The following RNASE10 variants were observed in gnomAD, a reference collection of about 807,000 sequenced individuals.
The protein encoded by RNASE10 is inactive ribonuclease-like protein 10.
In RNASE10, 2 loss-of-function variants were observed where a neutral mutation model predicts 1.1. That is an observed-to-expected ratio of 1.82 (90% confidence interval 0.74 to 5.73). The LOEUF (loss-of-function observed/expected upper bound fraction) is 5.73. Ranked by LOEUF, RNASE10 falls within the 30% of genes most tolerant of loss-of-function variation. RNASE10 has a pLI of 0.05. For missense variants in RNASE10, 276 were observed against 263.4 expected (o/e 1.05, Z -0.33); for synonymous variants, 97 against 96.2 (o/e 1.01, Z -0.05).
At chr14:20,507,358 G>A (rs1882770519) in intron 1 of RNASE10, among the ~76,000 whole-genome samples, 1 of 132,492 alleles carries the variant, frequency 7.5e-6, no homozygotes, top group South Asian at 2.6e-4. Context: ...TCCACTCAGG[G>A]TTAAATGGAT....
intron 1 of RNASE10, among the ~76,000 whole-genome samples, chr14:20,507,338 A>T (rs1450557823): frequency 7.5e-6 from 1 of 133,030 alleles, no homozygotes; most frequent in Non-Finnish European, 1.6e-5. Context: ...TCTCTGAAAC[A>T]TGTGCTGTGT....
chr14:20,511,157 C>A (rs1882891541), downstream of RNASE10: 1 of 1,396,088 alleles, frequency 7.2e-7, no homozygotes, highest in Non-Finnish European at 9.5e-7. Context: ...TCACCTTCTC[C>A]TGTTCCTCTT....
intron 1 of RNASE10, among the ~76,000 whole-genome samples, chr14:20,509,931 G>T (rs970432517): frequency 2.1e-5 from 3 of 143,862 alleles, no homozygotes. Context: ...GACCAGCCTG[G>T]GCAACATAGC....
At chr14:20,505,380 A>G (rs1189339453), upstream of RNASE10, among the ~76,000 whole-genome samples, 1 of 82,162 alleles carries the variant, frequency 1.2e-5, no homozygotes, top group Non-Finnish European at 2.2e-5. Flanking sequence ...GCTGGACGGT[A>G]CTGCTGCCAT....
Position 20,507,491 on chromosome 14 carries a change from T to C in RNASE10, c.79+1472T>C, listed in dbSNP as rs1035201231. 3.4e-4 allele frequency among the ~76,000 whole-genome samples: 46 copies of C among 136,046 alleles called. No homozygotes were observed. The South Asian group carries it at 9.7e-3, about 29-fold the overall frequency. The allele number at this position is 136,046 out of a possible 152,430, so 89.3% of individuals were successfully genotyped here. A position where few individuals can be genotyped will look rare whatever the true frequency, so the allele number is the denominator to read the frequency against. ...ACAAACACTGCGGAAGGCTGCAGGG[T>C]CCTCTGCCTAGGAAAACCAGAGACC... is the stretch of plus-strand genomic sequence containing the variant. On this transcript the variant is annotated intron_variant, in intron 1 of 1. Coordinates refer to ENST00000430083, the Ensembl canonical transcript of RNASE10.
intron 1 of RNASE10, among the ~76,000 whole-genome samples, chr14:20,507,620 AAAT>A (rs369359785): frequency 2.9e-4 from 21 of 72,634 alleles, no homozygotes; most frequent in Non-Finnish European, 4.8e-4. Context: ...TTAAAAAAAT[AAAT>A]AAATAAATAA....
At chr14:20,506,485 A>G (rs1194010955) in intron 1 of RNASE10, among the ~76,000 whole-genome samples, 1 of 103,170 alleles carries the variant, frequency 9.7e-6, no homozygotes, top group African/African-American at 4.1e-5. Flanking sequence ...TCCGGGAGGG[A>G]GGTGGTGGGG....
upstream of RNASE10, among the ~76,000 whole-genome samples, chr14:20,504,639 G>T (rs1034309939): frequency 7.3e-6 from 1 of 136,966 alleles, no homozygotes; most frequent in East Asian, 2.2e-4. Context: ...AGTGAGCCGA[G>T]ATCGCGCCAC....
intron 1 of RNASE10, 44 bp from the exon 2 acceptor site, chr14:20,510,423 T>G: frequency 6.4e-7 from 1 of 1,568,272 alleles, no homozygotes; most frequent in Non-Finnish European, 8.6e-7. Flanking sequence ...AGAGCCAATT[T>G]TGATCTCAAA....
chr14:20,505,771 G>C (rs200680153), exon 1 of RNASE10: 254 of 88,130 alleles, frequency 2.9e-3, no homozygotes, highest in Middle Eastern at 4.9e-3. Flanking sequence ...CTGCCTGGCC[G>C]CCCATCGTCT....
At chr14:20,505,326 CTCCACGGTCTCCT>C (rs1882672089), upstream of RNASE10, among the ~76,000 whole-genome samples, 1 of 87,596 alleles carries the variant, frequency 1.1e-5, no homozygotes, top group Non-Finnish European at 2.2e-5. Context: ...CTCCCTCTCC[CTCCACGGTCTCCT>C]TCCACGGTCT....
intron 1 of RNASE10, among the ~76,000 whole-genome samples, chr14:20,506,367 C>G (rs1882717865): frequency 8.0e-6 from 1 of 124,596 alleles, no homozygotes. Flanking sequence ...TGAGGGGCGC[C>G]TCTGCCCGGC....
chr14:20,511,638 G>T (rs997905869), downstream of RNASE10, among the ~76,000 whole-genome samples: 4 of 152,138 alleles, frequency 2.6e-5, no homozygotes, highest in African/African-American at 9.7e-5. Flanking sequence ...AAAAATTTAG[G>T]GCCTAGGTAT....
upstream of RNASE10, among the ~76,000 whole-genome samples, chr14:20,504,654 C>G (rs539148523): frequency 7.3e-6 from 1 of 137,182 alleles, no homozygotes; most frequent in South Asian, 2.4e-4. Context: ...CGCCACCGCA[C>G]TCCAGCCTGG....
intron 1 of RNASE10, among the ~76,000 whole-genome samples, chr14:20,509,953 CAAA>C (rs375096247): frequency 6.6e-5 from 8 of 121,542 alleles, no homozygotes; most frequent in East Asian, 2.4e-4. Flanking sequence ...AGACTCGTCT[CAAA>C]AAAAAAAAAA....
chr14:20,510,818 A>G, exon 2 of RNASE10: 1 of 1,614,194 alleles, frequency 6.2e-7, no homozygotes, highest in East Asian at 2.2e-5. Flanking sequence ...GACCAGACAG[A>G]TAGAGAATGC....
chr14:20,513,314 G>C (rs1217514819), downstream of RNASE10, among the ~76,000 whole-genome samples: 1 of 152,122 alleles, frequency 6.6e-6, no homozygotes, highest in East Asian at 1.9e-4. Context: ...GCTCAAGCAG[G>C]AAAATATAGC....
chr14:20,507,298 T>C (rs1882768395), intron 1 of RNASE10, among the ~76,000 whole-genome samples: 3 of 135,260 alleles, frequency 2.2e-5, no homozygotes, highest in Admixed American at 7.4e-5. Context: ...GGGATCCTGT[T>C]GATCTGTGAC....
intron 1 of RNASE10, among the ~76,000 whole-genome samples, chr14:20,509,951 C>T (rs1882851259): frequency 2.1e-5 from 1 of 46,742 alleles, no homozygotes; most frequent in Non-Finnish European, 4.3e-5. Context: ...CGAGACTCGT[C>T]TCAAAAAAAA....
Sources: gnomAD v4.1 joint callset for allele counts (sites outside exome capture counted in the v4.1 genomes callset) on GRCh38, gnomAD v4.1.1 for gene constraint, MANE v1.5 for transcripts, NCBI Gene and HGNC (gene_info 2026-07-23, HGNC 2026-07-21) for gene names.